The following NSMAF variants were observed in gnomAD, a reference collection of about 807,000 sequenced individuals.
NSMAF encodes the protein protein FAN.
NSMAF carries 90 observed loss-of-function variants against 134.9 expected under a neutral mutation model. The observed-to-expected ratio is 0.67, with a 90% CI of 0.56 to 0.79. NSMAF has a LOEUF of 0.79. Ranked by LOEUF, NSMAF falls within the 30% of genes least tolerant of loss-of-function variation. The pLI is 0.00. For missense variants in NSMAF, 1,010 were observed against 1,119.0 expected (o/e 0.90, Z 1.39); for synonymous variants, 358 against 389.6 (o/e 0.92, Z 0.96).
At chr8:58,591,330 T>G (rs1036349528) in intron 23 of NSMAF, among the ~76,000 whole-genome samples, 3 of 152,166 alleles carry the variant, frequency 2.0e-5, no homozygotes, top group Non-Finnish European at 4.4e-5. Flanking sequence ...CAATATGTTT[T>G]CTTTAAAAAA....
At chr8:58,653,087 G>A (rs1179190847) in intron 1 of NSMAF, among the ~76,000 whole-genome samples, 2 of 152,136 alleles carry the variant, frequency 1.3e-5, no homozygotes, top group African/African-American at 4.8e-5. Context: ...GAGGATGGGG[G>A]CACAGCAGTT....
intron 2 of NSMAF, chr8:58,640,076 C>T (rs1807299850): frequency 2.2e-6 from 1 of 455,330 alleles, no homozygotes; most frequent in Non-Finnish European, 4.4e-6. Context: ...GCAAAGTGCA[C>T]AAGTTGTCCA....
chr8:58,638,945 C>G (rs1047234186), intron 2 of NSMAF, among the ~76,000 whole-genome samples: 1 of 151,970 alleles, frequency 6.6e-6, no homozygotes, highest in African/African-American at 2.4e-5. Flanking sequence ...AACAAATAGC[C>G]TATTAAAAGA....
At chr8:58,621,702 C>T (rs1472158104) in intron 9 of NSMAF, among the ~76,000 whole-genome samples, 10 of 151,988 alleles carry the variant, frequency 6.6e-5, no homozygotes, top group African/African-American at 1.7e-4. Context: ...GGTATCTCAC[C>T]GTGCTTTTGA....
rs768993541 is a variant in NSMAF, at chr8:58,589,436, T to A, written c.2211+16A>T. The stretch of plus-strand genomic sequence containing the variant: ...AGCACACCAAGTTAAAAAAACTTTT[T>A]AAATTATATATGAACCTTCACTGTA... On this transcript the variant is annotated intron_variant, in intron 26 of 30. Transcript: ENST00000038176. The A allele has an allele frequency of 2.8e-6, 4 of 1,432,906 alleles. No homozygotes were observed. Among genetic ancestry groups the A allele is most frequent in the South Asian group, 1.7e-5 (1 of 58,962 alleles). The allele number at this position is 1,432,906 out of a possible 1,614,324, so 88.8% of individuals were successfully genotyped here.
chr8:58,600,135 T>G, intron 16 of NSMAF, 114 bp from the exon 17 acceptor site: 1 of 751,840 alleles, frequency 1.3e-6, no homozygotes, highest in Non-Finnish European at 2.2e-6. Flanking sequence ...CTGTTTGTCA[T>G]TTCCACATAG....
chr8:58,635,630 G>A (rs1193517966), intron 2 of NSMAF, 84 bp from the exon 3 acceptor site: 4 of 798,036 alleles, frequency 5.0e-6, no homozygotes, highest in Non-Finnish European at 8.1e-6. Flanking sequence ...TAGAAAGCAG[G>A]TTACTAAAGC....
intron 6 of NSMAF, among the ~76,000 whole-genome samples, chr8:58,626,448 G>A (rs998351628): frequency 1.3e-5 from 2 of 152,142 alleles, no homozygotes; most frequent in Non-Finnish European, 2.9e-5. Flanking sequence ...CCACTTATAA[G>A]TGAGAACATA....
At chr8:58,651,897 G>A (rs1439456948) in intron 1 of NSMAF, among the ~76,000 whole-genome samples, 6 of 152,216 alleles carry the variant, frequency 3.9e-5, no homozygotes, top group Non-Finnish European at 8.8e-5. Context: ...CTGCTGGCCT[G>A]TGGACAACAC....
At chr8:58,628,326 A>G (rs531813343) in intron 6 of NSMAF, among the ~76,000 whole-genome samples, 1 of 152,268 alleles carries the variant, frequency 6.6e-6, no homozygotes, top group South Asian at 2.1e-4. Flanking sequence ...TGTATCTTCT[A>G]TAGGTATTTT....
In NSMAF at chr8:58,599,352, A is replaced by G. The variant is rs1806220119; in HGVS notation, c.1465T>C (p.Phe489Leu). Residue 489 changes from phenylalanine (F) to leucine (L), a missense_variant, in exon 19 of 31, where the codon TTT becomes CTT. Phe to Leu is a conservative substitution (Grantham distance 22). Coordinates refer to ENST00000038176, the MANE Select transcript of NSMAF (RefSeq NM_003580.4). Reference protein sequence around the residue: ...LPPWASSPEDFLQKSKDALES... With the variant: ...LPPWASSPEDLLQKSKDALES... Reference sequence around the variant, plus strand: ...AATGCATCTTTGCTCTTCTGGAGAAAGTCCTCGGGACCTATTAGATTAGAC... The same window carrying G: ...AATGCATCTTTGCTCTTCTGGAGAAGGTCCTCGGGACCTATTAGATTAGAC... 6.2e-7 allele frequency: 1 copy of G among 1,613,888 alleles called. No individual in the cohort carries two copies. Among genetic ancestry groups the G allele is most frequent in the Admixed American group, 1.7e-5 (1 of 59,992 alleles).
At chr8:58,636,784 C>G (rs11774998) in intron 2 of NSMAF, among the ~76,000 whole-genome samples, 47,012 of 152,092 alleles carry the variant, frequency 0.31, 7,683 homozygotes, top group Non-Finnish European at 0.35. Context: ...GTTTGCCAAG[C>G]CCTGCTGTGA....
chr8:58,615,158 A>G (rs900512431), intron 9 of NSMAF, among the ~76,000 whole-genome samples: 11 of 152,220 alleles, frequency 7.2e-5, no homozygotes, highest in Non-Finnish European at 1.3e-4. Flanking sequence ...ACGCATCTTA[A>G]TGTATATGAA....
At chr8:58,643,218 TC>T (rs1807374161) in intron 1 of NSMAF, 145 bp from the exon 2 acceptor site, 3 of 660,370 alleles carry the variant, frequency 4.5e-6, no homozygotes, top group East Asian at 5.4e-5. Flanking sequence ...TGCCAGGCAG[TC>T]CTCTCTACCC....
intron 2 of NSMAF, among the ~76,000 whole-genome samples, chr8:58,640,520 C>G (rs909907688): frequency 2.6e-5 from 4 of 151,672 alleles, no homozygotes; most frequent in Non-Finnish European, 5.9e-5. Flanking sequence ...AATAATAATA[C>G]TAATAGTATA....
At position 58,587,941 on chromosome 8, in the gene NSMAF, C is replaced by T. The variant is rs1413329898; in HGVS notation, c.2212-240G>A. On this transcript the variant is annotated intron_variant, in intron 26 of 30. Transcript: ENST00000038176. Reference sequence around the variant, plus strand: ...TATCACCTGCACTTGCTGCTGTAATCGTGTGACTTTAGTATGTGAACTAAG... The same window carrying T: ...TATCACCTGCACTTGCTGCTGTAATTGTGTGACTTTAGTATGTGAACTAAG... Among the ~76,000 whole-genome samples, 17 of 152,064 alleles carry T rather than the reference C, an allele frequency of 1.1e-4. 1 individual carries two copies. The South Asian group carries it at 3.3e-3, about 30-fold the overall frequency.
Position 58,631,491 on chromosome 8 carries a change from C to G in NSMAF, c.384+5G>C. 1 of 1,490,906 alleles carries G rather than the reference C, an allele frequency of 6.7e-7. No individual in the cohort carries two copies. The highest frequency in any genetic ancestry group is 1.2e-5 in the South Asian group (1 of 80,336). 92.4% of individuals were successfully genotyped at this position (1,490,906 alleles called of 1,614,324 possible). On this transcript the variant is annotated splice_donor_5th_base_variant and intron_variant, in intron 6 of 30. Transcript: ENST00000038176. ...TGCTGGAAATACATGAAAAGCTTTA[C>G]TTACCCTTTCTATTTTATATGGTGC... is the stretch of plus-strand genomic sequence containing the variant.
chr8:58,584,033 AG>A lies in NSMAF; in HGVS notation c.*72del. ...TAATTACTAACATTGCACATTCACC[AG>A]TCCGTTTAAAAGTTTGGTTTAAAAA... On this transcript the variant is annotated 3_prime_UTR_variant, in exon 31 of 31. Transcript: ENST00000038176. 1.8e-6 allele frequency: 2 copies of A among 1,125,024 alleles called. No homozygotes were observed. The highest frequency in any genetic ancestry group is 2.7e-6 in the Non-Finnish European group (2 of 736,498). The allele number at this position is 1,125,024 out of a possible 1,614,324, so 69.7% of individuals were successfully genotyped here.
intron 9 of NSMAF, among the ~76,000 whole-genome samples, chr8:58,621,806 C>T (rs1047976470): frequency 2.6e-5 from 4 of 151,996 alleles, no homozygotes; most frequent in Non-Finnish European, 4.4e-5. Context: ...TGTTCATGAC[C>T]TTGGCCTACT....
Sources: gnomAD v4.1 joint callset for allele counts (sites outside exome capture counted in the v4.1 genomes callset) on GRCh38, gnomAD v4.1.1 for gene constraint, MANE v1.5 for transcripts, NCBI Gene and HGNC (gene_info 2026-07-23, HGNC 2026-07-21) for gene names.